The following HDLBP variants were observed in gnomAD, a reference collection of about 807,000 sequenced individuals.
HDLBP encodes the protein high density lipoprotein binding protein.
A neutral mutation model predicts 137.3 loss-of-function variants in HDLBP; 30 were observed. That is an observed-to-expected ratio of 0.22 (90% CI 0.16 to 0.30). The LOEUF (loss-of-function observed/expected upper bound fraction) is 0.30, where lower values mean the gene tolerates loss of function less well. Among genes scored for constraint, HDLBP ranks in the 10% least tolerant of loss-of-function variants. The probability of loss-of-function intolerance (pLI) is 1.00; values close to 1 mark genes in which losing one functional copy is unlikely to be tolerated. For synonymous variants in HDLBP, 606 were observed against 596.0 expected, an observed-to-expected ratio of 1.02 and a Z score of -0.24; for missense variants, 1,119 against 1,667.3, an observed-to-expected ratio of 0.67 and a Z score of 5.73.
intron 20 of HDLBP, among the ~76,000 whole-genome samples, chr2:241,237,291 C>T (rs11695244): frequency 0.21 from 31,203 of 152,082 alleles, 3,515 homozygotes; most frequent in Middle Eastern, 0.34. Flanking sequence ...GCTCCTTATG[C>T]CAGAAAGCGA....
Position 241,229,188 on chromosome 2 carries a change from GGT to G in HDLBP, c.*411_*412del, listed in dbSNP as rs2069422612. Reference sequence around the variant, plus strand: ...GACCAAGGGAAACTGGCAGGAGGGAGGTGGGAAAGGAAGAGGGCAAACGTTTG... The same window carrying G: ...GACCAAGGGAAACTGGCAGGAGGGAGGGGAAAGGAAGAGGGCAAACGTTTG... On this transcript the variant is annotated 3_prime_UTR_variant, in exon 28 of 28. Coordinates refer to ENST00000310931, the MANE Select transcript of HDLBP (RefSeq NM_005336.6). 4.9e-6 allele frequency: 1 copy of G among 202,914 alleles called. No individual in the cohort carries two copies. The highest frequency in any genetic ancestry group is 1.0e-5 in the Non-Finnish European group (1 of 98,034). The allele number at this position is 202,914 out of a possible 1,614,324, so 12.6% of individuals were successfully genotyped here. A position where few individuals can be genotyped will look rare whatever the true frequency, so the allele number is the denominator to read the frequency against.
At chr2:241,285,625 G>A (rs1329805948) in intron 1 of HDLBP, among the ~76,000 whole-genome samples, 2 of 152,186 alleles carry the variant, frequency 1.3e-5, no homozygotes, top group Non-Finnish European at 2.9e-5. Flanking sequence ...AGTTTCACTA[G>A]TTAATGTAAC....
At position 241,242,605 on chromosome 2, in the gene HDLBP, A is replaced by G; in HGVS notation, c.2024T>C (p.Leu675Pro). Residue 675 changes from leucine to proline, a missense_variant, in exon 17 of 28, where the codon CTG (leucine) becomes CCG (proline). Leu to Pro is a moderately conservative substitution (Grantham distance 98, BLOSUM62 -3). Around this residue, in one of 4 missense-constraint regions of HDLBP, gnomAD observed 618 missense variants for 816.7 expected, o/e 0.76. Transcript: ENST00000310931. ...HNSLIGTKGR[L>P]IRSIMEECGG... ...GCACTCCTCCATGATGGAGCGGATCAGACGGCCCTTGGTGCCAATGAGGGA... is the reference window on the plus strand; with the variant it reads ...GCACTCCTCCATGATGGAGCGGATCGGACGGCCCTTGGTGCCAATGAGGGA... The G allele has an allele frequency of 6.2e-7, 1 of 1,614,248 alleles. No individual in the cohort carries two copies. Among genetic ancestry groups the G allele is most frequent in the Non-Finnish European group, 8.5e-7 (1 of 1,180,044 alleles).
At chr2:241,279,185 CCCT>C (rs1259740429) in intron 1 of HDLBP, among the ~76,000 whole-genome samples, 1 of 152,066 alleles carries the variant, frequency 6.6e-6, no homozygotes, top group African/African-American at 2.4e-5. Context: ...AGTAATTCTC[CCCT>C]AATTAGACTA....
intron 17 of HDLBP, among the ~76,000 whole-genome samples, chr2:241,241,595 A>G (rs1454486952): frequency 1.4e-5 from 2 of 148,012 alleles, no homozygotes; most frequent in Non-Finnish European, 3.0e-5. Context: ...AAAAAAAAAA[A>G]AAAAAAAATC....
rs564834209 is a variant in HDLBP, at chr2:241,239,142, G to A, written c.2611-355C>T. Among the ~76,000 whole-genome samples the A allele has an allele frequency of 3.3e-5, 5 of 152,296 alleles. No homozygotes were observed. Among genetic ancestry groups the A allele is most frequent in the East Asian group, 1.9e-4 (1 of 5,168 alleles). ...CAAGGCCCTGGCAGGGGAGTGGCCT[G>A]GAGGGGACACTCTCTAAAGACTGCT... On this transcript the variant is annotated intron_variant, in intron 19 of 27. Coordinates refer to ENST00000310931, the MANE Select transcript of HDLBP (RefSeq NM_005336.6). This position sits in a 1 kb window ranked among gnomAD's most constrained non-coding sequence, Gnocchi z 4.6.
chr2:241,253,295 G>A, intron 10 of HDLBP, 98 bp downstream of exon 10: 1 of 858,466 alleles, frequency 1.2e-6, no homozygotes, highest in South Asian at 1.3e-5. Context: ...GGGTGTCTGT[G>A]CCCGGACATG....
chr2:241,248,970 C>A (rs2071896030), intron 12 of HDLBP, among the ~76,000 whole-genome samples: 1 of 152,086 alleles, frequency 6.6e-6, no homozygotes, highest in South Asian at 2.1e-4. Flanking sequence ...GATCAAACGG[C>A]TATTGGCTGA....
intron 9 of HDLBP, among the ~76,000 whole-genome samples, chr2:241,254,112 T>C (rs1310593873): frequency 2.0e-5 from 3 of 152,060 alleles, no homozygotes; most frequent in Non-Finnish European, 2.9e-5. Flanking sequence ...AGTAAGACTC[T>C]GCCTCCACGA....
chr2:241,265,545 T>TA (rs1440476590), intron 3 of HDLBP, among the ~76,000 whole-genome samples: 1 of 152,262 alleles, frequency 6.6e-6, no homozygotes, highest in Non-Finnish European at 1.5e-5. Flanking sequence ...CATAGTGCCC[T>TA]ATTTGTTCAT....
chr2:241,300,358 G>A (rs955301113), intron 1 of HDLBP, among the ~76,000 whole-genome samples: 6 of 152,260 alleles, frequency 3.9e-5, no homozygotes, highest in South Asian at 4.1e-4. Context: ...AGTAACCCAC[G>A]ACATGTAACA....
Position 241,238,007 on chromosome 2 carries a change from C to T in HDLBP, c.2749+642G>A, listed in dbSNP as rs1389765502. Among the ~76,000 whole-genome samples the T allele has an allele frequency of 1.3e-5, 2 of 152,258 alleles. No homozygotes were observed. Among genetic ancestry groups the T allele is most frequent in the African/African-American group, 4.8e-5 (2 of 41,470 alleles). On this transcript the variant is annotated intron_variant, in intron 20 of 27. Coordinates refer to ENST00000310931, the MANE Select transcript of HDLBP (RefSeq NM_005336.6). This position sits in a 1 kb window ranked among gnomAD's most constrained non-coding sequence, Gnocchi z 4.9. ...GCTGCAGGGCCACCTGCCGCCCAAA[C>T]AGCTCAACCAAGACTGATAACACAG... is the stretch of plus-strand genomic sequence containing the variant.
Position 241,233,955 on chromosome 2 carries a change from C to T in HDLBP, c.3153G>A (p.Arg1051=). 1.9e-6 allele frequency: 3 copies of T among 1,614,178 alleles called. No homozygotes were observed. Among genetic ancestry groups the T allele is most frequent in the East Asian group, 2.2e-5 (1 of 44,888 alleles). The change falls in exon 24 of 28, where the codon AGG becomes AGA. Residue 1051 remains arginine (R), a synonymous_variant. Coordinates refer to ENST00000310931, the MANE Select transcript of HDLBP (RefSeq NM_005336.6). This position sits in a 1 kb window ranked among gnomAD's most constrained non-coding sequence, Gnocchi z 4.3. The part of the protein sequence containing the change: ...LQAEQEDRAL[R]SFKLSVTVDP... The stretch of plus-strand genomic sequence containing the variant: ...CTACAGTGACACTCAGCTTAAAACT[C>T]CTTAAAGCCTACAAATGAAAGGAGC...
At chr2:241,299,505 C>CAA (rs11423330) in intron 1 of HDLBP, among the ~76,000 whole-genome samples, 716 of 49,352 alleles carry the variant, frequency 0.015, 27 homozygotes, top group East Asian at 0.077. Context: ...GGCTCCGTCT[C>CAA]AAAAAAAAAA....
At chr2:241,235,358 G>C in intron 22 of HDLBP, 103 bp from the exon 23 acceptor site, 2 of 1,541,566 alleles carry the variant, frequency 1.3e-6, no homozygotes, top group African/African-American at 1.4e-5. Context: ...GCCACCCGCC[G>C]TGAAGGGAAG....
At chr2:241,281,865 T>C (rs2074621263) in intron 1 of HDLBP, among the ~76,000 whole-genome samples, 1 of 152,228 alleles carries the variant, frequency 6.6e-6, no homozygotes, top group African/African-American at 2.4e-5. Flanking sequence ...GTTGGAAAAT[T>C]TTAAATATAT....
intron 1 of HDLBP, among the ~76,000 whole-genome samples, chr2:241,283,642 T>A (rs982554308): frequency 1.3e-5 from 2 of 150,354 alleles, no homozygotes; most frequent in Non-Finnish European, 2.9e-5. Flanking sequence ...GCCCGGCTAA[T>A]TTTTTGTATT....
Position 241,233,678 on chromosome 2 carries a change from G to T in HDLBP, c.3288+142C>A. ...TACCGAGACACAGCCCAAACCTCAA[G>T]CCAGAATTAGGTCCTGAGAGACTTG... On this transcript the variant is annotated intron_variant, in intron 24 of 27. Coordinates refer to ENST00000310931, the MANE Select transcript of HDLBP (RefSeq NM_005336.6). The surrounding 1 kb of genome is among the most constrained non-coding windows in gnomAD (Gnocchi z 4.3). The T allele has an allele frequency of 1.2e-6, 1 of 845,972 alleles. No homozygotes were observed. The highest frequency in any genetic ancestry group is 1.9e-6 in the Non-Finnish European group (1 of 537,470). 52.4% of individuals were successfully genotyped at this position (845,972 alleles called of 1,614,324 possible). A position where few individuals can be genotyped will look rare whatever the true frequency, so the allele number is the denominator to read the frequency against.
intron 27 of HDLBP, 49 bp downstream of exon 27, chr2:241,229,784 G>GGGCC (rs1574820986): frequency 9.3e-6 from 14 of 1,502,530 alleles, no homozygotes; most frequent in Non-Finnish European, 1.2e-5. Context: ...AAGCCCGCCT[G>GGGCC]CCCGCCCACC....
Sources: gnomAD v4.1 joint callset for allele counts (sites outside exome capture counted in the v4.1 genomes callset) on GRCh38, gnomAD v4.1.1 for gene constraint, gnomAD v4.1.1 regional missense constraint, Gnocchi (gnomAD v3.1) non-coding constraint, MANE v1.5 for transcripts, NCBI Gene and HGNC (gene_info 2026-07-23, HGNC 2026-07-21) for gene names.